The following PIK3R1 variants were observed in gnomAD, a reference collection of about 807,000 sequenced individuals.
PIK3R1 encodes the protein phosphatidylinositol 3-kinase regulatory subunit alpha.
Under a neutral mutation model 98.0 loss-of-function variants are expected in PIK3R1, and 29 were observed. The observed-to-expected ratio is 0.30, with a 90% CI of 0.22 to 0.40. The LOEUF is 0.40. Among genes scored for constraint, PIK3R1 ranks in the 10% least tolerant of loss-of-function variants. The pLI, the probability that PIK3R1 is intolerant of heterozygous loss-of-function variation, is 1.00. For synonymous variants in PIK3R1, 282 were observed against 311.8 expected, an observed-to-expected ratio of 0.90 and a Z score of 1.01; for missense variants, 596 against 872.7, an observed-to-expected ratio of 0.68 and a Z score of 3.99.
Position 68,292,367 on chromosome 5 carries a change from G to T in PIK3R1, c.1019+6G>T, listed in dbSNP as rs749016701. The T allele has an allele frequency of 6.3e-7, 1 of 1,592,602 alleles. No homozygotes were observed. The highest frequency in any genetic ancestry group is 8.6e-7 in the Non-Finnish European group (1 of 1,161,314). On this transcript the variant is annotated splice_donor_region_variant and intron_variant, in intron 8 of 15. Coordinates refer to ENST00000521381, the MANE Select transcript of PIK3R1 (RefSeq NM_181523.3). ...TACTGGGGAGATATCTCGAGGTAAG[G>T]CTACAGAAACTTCATTTTCAGAGAG...
chr5:68,235,061 A>G (rs1457784564), intron 2 of PIK3R1, among the ~76,000 whole-genome samples: 2 of 152,152 alleles, frequency 1.3e-5, no homozygotes, highest in Non-Finnish European at 2.9e-5. Context: ...CTTTTTAGCT[A>G]TTGTTAATCT....
chr5:68,293,867 AAG>A (rs1554051085), intron 11 of PIK3R1, 33 bp downstream of exon 11: 1 of 1,505,566 alleles, frequency 6.6e-7, no homozygotes, highest in Non-Finnish European at 9.0e-7. Flanking sequence ...ATTAAAAAAT[AAG>A]AGTTCTAAAC....
intron 1 of PIK3R1, among the ~76,000 whole-genome samples, chr5:68,219,359 CA>C (rs1489008412): frequency 1.3e-5 from 2 of 152,170 alleles, no homozygotes; most frequent in Non-Finnish European, 2.9e-5. Context: ...AGTCTGGCCA[CA>C]GTGTGAGGAG....
intron 2 of PIK3R1, among the ~76,000 whole-genome samples, chr5:68,262,696 CAT>C (rs1745853478): frequency 3.3e-5 from 1 of 30,054 alleles, no homozygotes; most frequent in Admixed American, 2.7e-4. Flanking sequence ...CATGTATACA[CAT>C]GTAGATGCAT....
At chr5:68,223,230 G>A (rs550235547) in intron 1 of PIK3R1, among the ~76,000 whole-genome samples, 62 of 152,030 alleles carry the variant, frequency 4.1e-4, no homozygotes, top group African/African-American at 1.4e-3. Context: ...AATGACAGAC[G>A]TCAAAATGGA....
At chr5:68,257,178 T>C (rs1428749245) in intron 2 of PIK3R1, among the ~76,000 whole-genome samples, 1 of 152,200 alleles carries the variant, frequency 6.6e-6, no homozygotes, top group African/African-American at 2.4e-5. Context: ...CAAGTAAAAG[T>C]GTACATAACG....
At chr5:68,224,664 G>C (rs576757636) in intron 1 of PIK3R1, among the ~76,000 whole-genome samples, 27 of 152,262 alleles carry the variant, frequency 1.8e-4, no homozygotes, top group Middle Eastern at 6.8e-3. Flanking sequence ...ACTTATAAAA[G>C]CTCTCTTTGA....
At chr5:68,225,238 T>C (rs953007658) in intron 1 of PIK3R1, among the ~76,000 whole-genome samples, 30 of 152,216 alleles carry the variant, frequency 2.0e-4, no homozygotes, top group Non-Finnish European at 4.1e-4. Context: ...TGGATCATTT[T>C]TTTTTTTTTT....
At chr5:68,231,752 G>A (rs1307753601) in intron 2 of PIK3R1, among the ~76,000 whole-genome samples, 1 of 152,198 alleles carries the variant, frequency 6.6e-6, no homozygotes. Context: ...TTTTCTTTCA[G>A]AATATACTTT....
intron 7 of PIK3R1, chr5:68,291,638 C>T (rs1302915959): frequency 1.3e-5 from 2 of 152,228 alleles, no homozygotes; most frequent in African/African-American, 4.8e-5. Flanking sequence ...ATATAGAGCA[C>T]AATTTATCCA....
rs190082200 is a variant in PIK3R1, at chr5:68,270,087, G to T, written c.335-3303G>T. ...TTTTTTTTCTTTTTAAAGCAATCTG[G>T]TGTGCCTTTTGAGAAAAGTTCCAGT... On this transcript the variant is annotated intron_variant, in intron 2 of 15. Transcript: ENST00000521381. Among the ~76,000 whole-genome samples, 181 of 152,090 alleles carry T rather than the reference G, an allele frequency of 1.2e-3. 2 individuals carry two copies. The highest frequency in any genetic ancestry group is 4.2e-3 in the African/African-American group (176 of 41,482).
At chr5:68,261,041 CATTT>C (rs1427592787) in intron 2 of PIK3R1, among the ~76,000 whole-genome samples, 2 of 152,268 alleles carry the variant, frequency 1.3e-5, no homozygotes, top group Admixed American at 1.3e-4. Context: ...GCCATTCTCC[CATTT>C]ATTTAACTTC....
rs71305021 is a variant in PIK3R1, at chr5:68,289,759, C to CAAAAAAAAAA, written c.917-2482_917-2473dup. Among the ~76,000 whole-genome samples the CAAAAAAAAAA allele has an allele frequency of 1.3e-4, 7 of 51,880 alleles. 1 individual carries two copies. The highest frequency in any genetic ancestry group is 1.9e-4 in the Non-Finnish European group (5 of 26,486). The allele number at this position is 51,880 out of a possible 152,430, so 34.0% of individuals were successfully genotyped here. The stretch of plus-strand genomic sequence containing the variant: ...GGCATTTGAGATAGAGGGGGAAAAG[C>CAAAAAAAAAA]AAAAAAAAAAAAAAAAAAAAAAAAA... On this transcript the variant is annotated intron_variant, in intron 7 of 15. Transcript: ENST00000521381.
At chr5:68,265,696 G>A (rs2112135848) in intron 2 of PIK3R1, among the ~76,000 whole-genome samples, 1 of 152,214 alleles carries the variant, frequency 6.6e-6, no homozygotes, top group African/African-American at 2.4e-5. Flanking sequence ...GGGGGGAAGG[G>A]ACACAATTCA....
Position 68,293,207 on chromosome 5 carries a change from AG to A in PIK3R1, c.1118+11del, listed in dbSNP as rs758481526. 54 of 1,609,588 alleles carry A rather than the reference AG, an allele frequency of 3.4e-5. No individual in the cohort carries two copies. Among genetic ancestry groups the A allele is most frequent in the South Asian group, 2.3e-4 (21 of 90,744 alleles). ...TTATACTCTTACACTAAGGTAAGCC[AG>A]GGAATATAGCTGAAATTAGGGTTTT... On this transcript the variant is annotated intron_variant, in intron 9 of 15. Transcript: ENST00000521381.
At chr5:68,251,826 T>C (rs1272939807) in intron 2 of PIK3R1, among the ~76,000 whole-genome samples, 1 of 152,142 alleles carries the variant, frequency 6.6e-6, no homozygotes, top group African/African-American at 2.4e-5. Context: ...AGGAGCAAAC[T>C]CTGTCTCATC....
intron 1 of PIK3R1, among the ~76,000 whole-genome samples, chr5:68,216,451 G>A (rs1580162762): frequency 6.6e-6 from 1 of 152,226 alleles, no homozygotes. Flanking sequence ...TTCCCGGGGC[G>A]GGCGAGGCGG....
At chr5:68,264,297 T>G (rs1403479252) in intron 2 of PIK3R1, among the ~76,000 whole-genome samples, 1 of 152,190 alleles carries the variant, frequency 6.6e-6, no homozygotes, top group African/African-American at 2.4e-5. Context: ...TGTCGCCAAG[T>G]GCTTGTCCAT....
intron 7 of PIK3R1, chr5:68,288,899 G>A (rs1445016105): frequency 7.5e-6 from 6 of 794,800 alleles, no homozygotes; most frequent in African/African-American, 1.7e-5. Context: ...CACTCCCCCT[G>A]TCCTCGAGGG....
Sources: gnomAD v4.1 joint callset for allele counts (sites outside exome capture counted in the v4.1 genomes callset) on GRCh38, gnomAD v4.1.1 for gene constraint, MANE v1.5 for transcripts, NCBI Gene and HGNC (gene_info 2026-07-23, HGNC 2026-07-21) for gene names.